The following PARD3 variants were observed in gnomAD, a reference collection of about 807,000 sequenced individuals.
PARD3 encodes par-3 family cell polarity regulator, also known as partitioning defective 3 homolog.
A neutral mutation model predicts 155.4 loss-of-function variants in PARD3; 75 were observed. The ratio of observed to expected loss-of-function variants is 0.48; its 90% CI spans 0.40 to 0.58. PARD3 has a LOEUF of 0.58. Among genes scored for constraint, PARD3 ranks in the 20% least tolerant of loss-of-function variants. PARD3 has a pLI of 0.00. For missense variants in PARD3, 1,642 were observed against 1,721.7 expected, an observed-to-expected ratio of 0.95 and a Z score of 0.82; for synonymous variants, 576 against 610.5, an observed-to-expected ratio of 0.94 and a Z score of 0.83.
chr10:34,271,770 A>G (rs1289561205), intron 21 of PARD3, among the ~76,000 whole-genome samples: 2 of 152,184 alleles, frequency 1.3e-5, no homozygotes, highest in African/African-American at 4.8e-5. Context: ...TGCAAATGAC[A>G]TGATGATCTA....
At chr10:34,298,868 C>G (rs1019568674) in intron 20 of PARD3, among the ~76,000 whole-genome samples, 1 of 152,210 alleles carries the variant, frequency 6.6e-6, no homozygotes. Context: ...TTTGGACTTC[C>G]AATCCCCAGA....
intron 1 of PARD3, among the ~76,000 whole-genome samples, chr10:34,753,720 G>C (rs555538119): frequency 6.6e-6 from 1 of 152,288 alleles, no homozygotes; most frequent in African/African-American, 2.4e-5. Flanking sequence ...AGAGGACATA[G>C]GTTTCAAATC....
At chr10:34,727,833 C>T (rs553010727) in intron 1 of PARD3, among the ~76,000 whole-genome samples, 2 of 143,074 alleles carry the variant, frequency 1.4e-5, no homozygotes, top group African/African-American at 2.6e-5. Flanking sequence ...CACACACACA[C>T]GCACGCACGC....
intron 4 of PARD3, among the ~76,000 whole-genome samples, chr10:34,461,029 T>C (rs1214518273): frequency 6.6e-6 from 1 of 152,070 alleles, no homozygotes; most frequent in Non-Finnish European, 1.5e-5. Context: ...GGCTTATAGG[T>C]AAAATAGATG....
chr10:34,442,976 AT>A (rs568731568), intron 5 of PARD3, among the ~76,000 whole-genome samples: 17 of 148,918 alleles, frequency 1.1e-4, no homozygotes, highest in Middle Eastern at 3.4e-3. Context: ...GGGAAATGAG[AT>A]TTTTTTTTTT....
In PARD3 at chr10:34,183,358, G is replaced by C. The variant is rs145136298; in HGVS notation, c.3420-51775C>G. ...ATCCTCCTAATACAGGAGTTATTAA[G>C]AAATAATTTTTAGGCAGATAGAAAG... On this transcript the variant is annotated intron_variant, in intron 22 of 24. Transcript: ENST00000374788. 1.6e-3 allele frequency among the ~76,000 whole-genome samples: 247 copies of C among 152,338 alleles called. 10 individuals carry two copies. The East Asian group carries it at 0.042, about 26-fold the overall frequency.
intron 10 of PARD3, 22 bp from the exon 11 acceptor site, chr10:34,375,024 C>G: frequency 1.3e-6 from 2 of 1,591,042 alleles, no homozygotes; most frequent in Non-Finnish European, 1.7e-6. Context: ...CAAAAGTTTT[C>G]AGCTGTAATC....
At chr10:34,402,614 A>T (rs147658626) in intron 5 of PARD3, among the ~76,000 whole-genome samples, 1 of 152,342 alleles carries the variant, frequency 6.6e-6, no homozygotes, top group Non-Finnish European at 1.5e-5. Flanking sequence ...GACAAGCTAA[A>T]GTAACAAAGT....
chr10:34,753,663 G>A (rs932864473), intron 1 of PARD3, among the ~76,000 whole-genome samples: 2 of 152,212 alleles, frequency 1.3e-5, no homozygotes, highest in African/African-American at 4.8e-5. Context: ...GCATGGCAGA[G>A]GGTTGTGTGA....
At chr10:34,319,095 T>C (rs1336407398) in intron 19 of PARD3, among the ~76,000 whole-genome samples, 1 of 147,490 alleles carries the variant, frequency 6.8e-6, no homozygotes, top group African/African-American at 2.5e-5. Flanking sequence ...TTTTTTTTTT[T>C]TTTCTTCTTC....
chr10:34,419,245 C>T (rs755474726), intron 5 of PARD3, among the ~76,000 whole-genome samples: 4 of 152,026 alleles, frequency 2.6e-5, no homozygotes, highest in East Asian at 3.9e-4. Flanking sequence ...AGGCCAGGTG[C>T]GGTGGCTCAT....
At chr10:34,346,320 G>A (rs1043496790) in intron 15 of PARD3, 12 of 1,263,966 alleles carry the variant, frequency 9.5e-6, no homozygotes, top group Non-Finnish European at 1.2e-5. Flanking sequence ...CTGAATTTAG[G>A]GATTTTTTTG....
intron 5 of PARD3, among the ~76,000 whole-genome samples, chr10:34,408,952 A>C (rs1343902198): frequency 6.6e-6 from 1 of 152,138 alleles, no homozygotes; most frequent in Non-Finnish European, 1.5e-5. Context: ...GTTCCTTATA[A>C]TATAAACTAT....
At chr10:34,352,708 G>C (rs4326737) in intron 14 of PARD3, among the ~76,000 whole-genome samples, 90,200 of 152,046 alleles carry the variant, frequency 0.59, 28,799 homozygotes, top group African/African-American at 0.85. Flanking sequence ...TCTCCACCTC[G>C]CAGCCGCCTG....
intron 20 of PARD3, among the ~76,000 whole-genome samples, chr10:34,284,449 A>G (rs1589050572): frequency 6.6e-6 from 1 of 152,190 alleles, no homozygotes; most frequent in East Asian, 1.9e-4. Flanking sequence ...TCCCAGAGAA[A>G]ACTCTTGAGG....
intron 19 of PARD3, among the ~76,000 whole-genome samples, chr10:34,322,747 T>C (rs528559768): frequency 1.3e-5 from 2 of 152,292 alleles, no homozygotes; most frequent in African/African-American, 4.8e-5. Flanking sequence ...CATCATTAAA[T>C]ACTCACTGAG....
intron 1 of PARD3, among the ~76,000 whole-genome samples, chr10:34,774,861 T>G (rs1306934676): frequency 6.6e-6 from 1 of 152,250 alleles, no homozygotes; most frequent in Non-Finnish European, 1.5e-5. Flanking sequence ...TTCACTGGTA[T>G]CTGTATTTGA....
In PARD3 at chr10:34,735,769, C is replaced by T. The variant is rs10450320; in HGVS notation, c.121-39350G>A. On this transcript the variant is annotated intron_variant, in intron 1 of 24. Coordinates refer to ENST00000374788, the MANE Select transcript of PARD3 (RefSeq NM_001184785.2). ...TTTTTATTCCTTTTAAAGTAAGTGGCGGATATCAGTACACTTTGCCTGTAA... is the reference window on the plus strand; with the variant it reads ...TTTTTATTCCTTTTAAAGTAAGTGGTGGATATCAGTACACTTTGCCTGTAA... Among the ~76,000 whole-genome samples, 147 of 152,178 alleles carry T rather than the reference C, an allele frequency of 9.7e-4. 1 individual carries two copies. Among genetic ancestry groups the T allele is most frequent in the African/African-American group, 3.3e-3 (135 of 41,508 alleles).
chr10:34,515,972 C>CT (rs11398185), intron 3 of PARD3, among the ~76,000 whole-genome samples: 70,408 of 149,152 alleles, frequency 0.47, 19,654 homozygotes, highest in African/African-American at 0.79. Flanking sequence ...ATAAATAATC[C>CT]TTTTTTTTTT....
Sources: allele counts gnomAD v4.1 joint callset (sites outside exome capture counted in the v4.1 genomes callset), GRCh38; gene constraint gnomAD v4.1.1; transcripts MANE v1.5; gene names NCBI Gene and HGNC (gene_info 2026-07-23, HGNC 2026-07-21).